The following ME1 variants were observed in gnomAD, a reference collection of about 807,000 sequenced individuals.
ME1 encodes malic enzyme 1.
ME1 carries 74 observed loss-of-function variants against 66.4 expected under a neutral mutation model. The observed-to-expected ratio is 1.11, with a 90% CI of 0.92 to 1.35. ME1 has a LOEUF of 1.35. ME1 is among the 40% of genes most tolerant of loss of function. ME1 has a pLI of 0.00. For synonymous variants in ME1, 251 were observed against 235.6 expected (o/e 1.07, Z -0.60); for missense variants, 750 against 694.1 (o/e 1.08, Z -0.90).
chr6:83,244,557 G>T (rs554620037), intron 7 of ME1, among the ~76,000 whole-genome samples: 1 of 152,212 alleles, frequency 6.6e-6, no homozygotes, highest in South Asian at 2.1e-4. Flanking sequence ...GTGGGTGATG[G>T]TTTTGAGAAA....
At chr6:83,306,705 A>G (rs753860084) in intron 6 of ME1, among the ~76,000 whole-genome samples, 14 of 152,108 alleles carry the variant, frequency 9.2e-5, no homozygotes, top group Admixed American at 2.0e-4. Context: ...CATTAGACTC[A>G]ATGCTTAAAT....
intron 6 of ME1, among the ~76,000 whole-genome samples, chr6:83,268,082 T>C (rs2128530587): frequency 6.6e-6 from 1 of 152,326 alleles, no homozygotes; most frequent in African/African-American, 2.4e-5. Flanking sequence ...TTGCCACTTT[T>C]CATTCCTTTT....
chr6:83,299,560 ACTTT>A (rs1767673899), intron 6 of ME1, among the ~76,000 whole-genome samples: 1 of 151,996 alleles, frequency 6.6e-6, no homozygotes, highest in Admixed American at 6.6e-5. Flanking sequence ...AGATAATTTG[ACTTT>A]CTCTCCTTCT....
chr6:83,315,280 C>T (rs759690307), intron 6 of ME1, 30 bp downstream of exon 6: 3 of 1,349,316 alleles, frequency 2.2e-6, no homozygotes, highest in Non-Finnish European at 2.1e-6. Context: ...TTGTTACTGA[C>T]TAAAATATAG....
At chr6:83,359,431 G>A (rs1324850300) in intron 3 of ME1, among the ~76,000 whole-genome samples, 1 of 152,176 alleles carries the variant, frequency 6.6e-6, no homozygotes, top group African/African-American at 2.4e-5. Flanking sequence ...GATATTAAGG[G>A]TGTGGAATAA....
intron 5 of ME1, among the ~76,000 whole-genome samples, chr6:83,317,381 TC>T (rs1320435756): frequency 6.6e-6 from 1 of 151,948 alleles, no homozygotes; most frequent in African/African-American, 2.4e-5. Flanking sequence ...GTCCTTCACA[TC>T]CCTTGTAAGT....
intron 3 of ME1, among the ~76,000 whole-genome samples, chr6:83,358,848 G>T (rs1038739802): frequency 3.3e-5 from 5 of 151,410 alleles, no homozygotes; most frequent in Non-Finnish European, 7.4e-5. Context: ...CCCTGAGGCA[G>T]TTGCCAGGCA....
chr6:83,308,251 A>G lies in ME1; in HGVS notation c.704+7059T>C, dbSNP rs956940504. Among the ~76,000 whole-genome samples the G allele has an allele frequency of 2.0e-5, 3 of 152,220 alleles. 1 individual carries two copies. The highest frequency in any genetic ancestry group is 1.9e-4 in the East Asian group (1 of 5,190). On this transcript the variant is annotated intron_variant, in intron 6 of 13. Transcript: ENST00000369705. ...TTCCCAATAACTTTTAATTTTTGTC[A>G]TTTAAAATAAAAAAGAACACAATTT...
At position 83,355,467 on chromosome 6, in the gene ME1, C is replaced by T. The variant is rs1380395953; in HGVS notation, c.363-3328G>A. On this transcript the variant is annotated intron_variant, in intron 3 of 13. Transcript: ENST00000369705. ...CACCAAAATTAACACCAATTAAATG[C>T]CAATGTTTATTATATCTGAGTTCAG... Among the ~76,000 whole-genome samples, 3 of 152,180 alleles carry T rather than the reference C, an allele frequency of 2.0e-5. No individual in the cohort carries two copies. In the East Asian group the frequency reaches 5.8e-4, roughly 29 times the overall value.
chr6:83,326,626 A>T (rs1170480), intron 5 of ME1, among the ~76,000 whole-genome samples: 1 of 151,920 alleles, frequency 6.6e-6, no homozygotes, highest in African/African-American at 2.4e-5. Flanking sequence ...CAAAAAACAT[A>T]AAAAAAAGCT....
intron 8 of ME1, among the ~76,000 whole-genome samples, chr6:83,238,416 T>G (rs1790452547): frequency 6.6e-6 from 1 of 152,140 alleles, no homozygotes; most frequent in African/African-American, 2.4e-5. Context: ...CAAGTGCTAG[T>G]TTTGAATCAT....
At chr6:83,427,322 T>C (rs1770392021) in intron 1 of ME1, among the ~76,000 whole-genome samples, 1 of 152,164 alleles carries the variant, frequency 6.6e-6, no homozygotes, top group African/African-American at 2.4e-5. Context: ...TTCTCTTAAG[T>C]TTTTTGAAAA....
At chr6:83,297,811 C>G (rs567896754) in intron 6 of ME1, among the ~76,000 whole-genome samples, 2 of 151,964 alleles carry the variant, frequency 1.3e-5, no homozygotes, top group Non-Finnish European at 2.9e-5. Context: ...CATTGTTCAC[C>G]TCCCACTTAT....
intron 12 of ME1, among the ~76,000 whole-genome samples, chr6:83,221,667 G>A (rs1790093636): frequency 6.6e-6 from 1 of 151,968 alleles, no homozygotes; most frequent in African/African-American, 2.4e-5. Context: ...GGAAAAAGAT[G>A]AGAATAGAGA....
chr6:83,357,012 G>A (rs183539739), intron 3 of ME1, among the ~76,000 whole-genome samples: 29 of 152,222 alleles, frequency 1.9e-4, no homozygotes, highest in African/African-American at 6.7e-4. Flanking sequence ...CATTTCCTCA[G>A]TCTTTCCTTG....
chr6:83,346,176 A>T lies in ME1; in HGVS notation c.597T>A (p.Asn199Lys). Residue 199 changes from asparagine to lysine, a missense_variant, in exon 5 of 14, where the codon AAT (asparagine) becomes AAA (lysine). Asn to Lys is a moderately conservative substitution (Grantham distance 94). Coordinates refer to ENST00000369705, the MANE Select transcript of ME1 (RefSeq NM_002395.6). ...LPVILDVGTENEELLKDPLYI... is the reference protein window; with the variant it reads ...LPVILDVGTEKEELLKDPLYI... ...CTTATAGACGTAAATTATTTACCTC[A>T]TTTTCGGTTCCCACATCCAGAATGA... The T allele has an allele frequency of 9.3e-6, 15 of 1,605,278 alleles. No homozygotes were observed. Among genetic ancestry groups the T allele is most frequent in the Non-Finnish European group, 1.2e-5 (14 of 1,175,022 alleles).
At chr6:83,332,487 G>A (rs182136042) in intron 5 of ME1, among the ~76,000 whole-genome samples, 8 of 152,230 alleles carry the variant, frequency 5.3e-5, no homozygotes, top group East Asian at 1.9e-4. Context: ...CCACAATTGC[G>A]AAGATATGAA....
chr6:83,278,744 C>T (rs1767236940), intron 6 of ME1, among the ~76,000 whole-genome samples: 1 of 152,158 alleles, frequency 6.6e-6, no homozygotes, highest in Non-Finnish European at 1.5e-5. Flanking sequence ...CAGGCATGAG[C>T]CACTATGCCA....
At chr6:83,306,814 T>C (rs1767832563) in intron 6 of ME1, among the ~76,000 whole-genome samples, 1 of 152,122 alleles carries the variant, frequency 6.6e-6, no homozygotes, top group Admixed American at 6.6e-5. Flanking sequence ...GTACTTTTTC[T>C]AACACAGCTT....
Sources: allele counts gnomAD v4.1 joint callset (sites outside exome capture counted in the v4.1 genomes callset), GRCh38; gene constraint gnomAD v4.1.1; transcripts MANE v1.5; gene names NCBI Gene and HGNC (gene_info 2026-07-23, HGNC 2026-07-21).